The following CSNK2A2IP variants were observed in gnomAD, a reference collection of about 807,000 sequenced individuals.
CSNK2A2IP encodes casein kinase 2 subunit alpha' interacting protein.
chr3:88,385,455 G>A, the CSNK2A2IP span, among the ~76,000 whole-genome samples: 1 of 152,188 alleles, frequency 6.6e-6, no homozygotes, highest in Non-Finnish European at 1.5e-5. Flanking sequence ...AGAAGTAGAA[G>A]AGTAGTTGGA....
At chr3:88,392,236 G>A in the CSNK2A2IP span, among the ~76,000 whole-genome samples, 1 of 152,162 alleles carries the variant, frequency 6.6e-6, no homozygotes, top group South Asian at 2.1e-4. Context: ...GTTTCCAACT[G>A]GAATTTGTGA....
At chr3:88,377,475 A>C in the CSNK2A2IP span, among the ~76,000 whole-genome samples, 1 of 149,194 alleles carries the variant, frequency 6.7e-6, no homozygotes, top group Non-Finnish European at 1.5e-5. Context: ...CCTATAAATG[A>C]TTGAATCTGT....
the CSNK2A2IP span, among the ~76,000 whole-genome samples, chr3:88,442,762 T>TA: frequency 7.6e-3 from 1,137 of 149,368 alleles, 6 homozygotes; most frequent in Non-Finnish European, 0.012. Flanking sequence ...TAATCTAGAT[T>TA]AAAAAAAAAA....
chr3:88,380,201 A>T, the CSNK2A2IP span, among the ~76,000 whole-genome samples: 36 of 151,984 alleles, frequency 2.4e-4, no homozygotes, highest in Admixed American at 9.8e-4. Context: ...AAAACTATTT[A>T]AAAAAAAGCA....
chr3:88,447,422 T>C, the CSNK2A2IP span, among the ~76,000 whole-genome samples: 2 of 152,130 alleles, frequency 1.3e-5, no homozygotes, highest in Non-Finnish European at 2.9e-5. Context: ...GTAAAACTCT[T>C]AAAAATATAA....
chr3:88,429,919 A>T, the CSNK2A2IP span, among the ~76,000 whole-genome samples: 1 of 142,118 alleles, frequency 7.0e-6, no homozygotes, highest in African/African-American at 2.6e-5. Flanking sequence ...CGCCAGGCTA[A>T]TTTTTTTTTT....
At chr3:88,368,450 A>G in the CSNK2A2IP span, among the ~76,000 whole-genome samples, 1 of 152,052 alleles carries the variant, frequency 6.6e-6, no homozygotes, top group African/African-American at 2.4e-5. Flanking sequence ...TGAGGTTTCA[A>G]TGCCATAGAG....
chr3:88,429,792 G>A, the CSNK2A2IP span, among the ~76,000 whole-genome samples: 3 of 152,062 alleles, frequency 2.0e-5, no homozygotes, highest in African/African-American at 2.4e-5. Context: ...TCGTTCTGTC[G>A]CCCAGGCTGG....
chr3:88,344,537 A>G, the CSNK2A2IP span, among the ~76,000 whole-genome samples: 1 of 151,952 alleles, frequency 6.6e-6, no homozygotes. Flanking sequence ...TTGAGTTTAC[A>G]TGATAGAAAT....
the CSNK2A2IP span, among the ~76,000 whole-genome samples, chr3:88,459,831 A>G: frequency 6.6e-6 from 1 of 152,150 alleles, no homozygotes; most frequent in African/African-American, 2.4e-5. Context: ...ATGACAAAGT[A>G]TAGTGCTTCC....
the CSNK2A2IP span, among the ~76,000 whole-genome samples, chr3:88,418,136 A>G: frequency 6.6e-6 from 1 of 152,194 alleles, no homozygotes; most frequent in South Asian, 2.1e-4. Flanking sequence ...ACTCAATAAT[A>G]AAAGGTATCT....
the CSNK2A2IP span, among the ~76,000 whole-genome samples, chr3:88,436,778 A>C: frequency 6.6e-6 from 1 of 152,098 alleles, no homozygotes; most frequent in Non-Finnish European, 1.5e-5. Context: ...ATAGTTACCT[A>C]TTGCATTGCA....
the CSNK2A2IP span, among the ~76,000 whole-genome samples, chr3:88,405,336 A>C: frequency 1.2e-4 from 18 of 152,044 alleles, no homozygotes; most frequent in African/African-American, 4.3e-4. Flanking sequence ...AGGGAGACTG[A>C]TCTGTGTATC....
chr3:88,435,707 C>G, the CSNK2A2IP span, among the ~76,000 whole-genome samples: 39 of 152,052 alleles, frequency 2.6e-4, no homozygotes, highest in Non-Finnish European at 4.9e-4. Context: ...ATGAACACAG[C>G]TTAAAGTCAA....
At chr3:88,362,793 C>A in the CSNK2A2IP span, among the ~76,000 whole-genome samples, 1 of 152,152 alleles carries the variant, frequency 6.6e-6, no homozygotes, top group Non-Finnish European at 1.5e-5. Flanking sequence ...CAGGAATCTA[C>A]CTAGTGCTTT....
the CSNK2A2IP span, among the ~76,000 whole-genome samples, chr3:88,374,381 G>T: frequency 2.0e-5 from 3 of 151,566 alleles, no homozygotes; most frequent in Non-Finnish European, 1.5e-5. Flanking sequence ...ATTGTCTTTA[G>T]TGGAGAGTTC....
chr3:88,406,145 C>A, the CSNK2A2IP span, among the ~76,000 whole-genome samples: 2 of 151,864 alleles, frequency 1.3e-5, no homozygotes, highest in African/African-American at 4.8e-5. Flanking sequence ...AGAAAATAAA[C>A]CTGAATGATT....
chr3:88,402,735 T>C, the CSNK2A2IP span, among the ~76,000 whole-genome samples: 11 of 151,978 alleles, frequency 7.2e-5, no homozygotes, highest in Admixed American at 5.2e-4. Context: ...ATAAAGAGTA[T>C]AAAAACAAGG....
chr3:88,444,320 A>C, the CSNK2A2IP span, among the ~76,000 whole-genome samples: 1 of 152,176 alleles, frequency 6.6e-6, no homozygotes, highest in Non-Finnish European at 1.5e-5. Flanking sequence ...AACCTAGCGA[A>C]AATTTAGATG....
Sources: allele counts gnomAD v4.1 joint callset (sites outside exome capture counted in the v4.1 genomes callset), GRCh38; gene constraint gnomAD v4.1.1; transcripts MANE v1.5; gene names NCBI Gene and HGNC (gene_info 2026-07-23, HGNC 2026-07-21).